The following RPL39L variants were observed in gnomAD, a reference collection of about 807,000 sequenced individuals.
RPL39L encodes the protein ribosomal protein eL39-like 2.
For synonymous variants in RPL39L, 16 were observed against 20.1 expected (o/e 0.80, Z 0.55); for missense variants, 48 against 58.9 (o/e 0.81, Z 0.61).
chr3:187,129,283 G>A (rs771182578), intron 1 of RPL39L, among the ~76,000 whole-genome samples: 24 of 152,164 alleles, frequency 1.6e-4, no homozygotes, highest in Non-Finnish European at 2.6e-4. Context: ...TCTCCTAGGC[G>A]GATTTGGGGA....
chr3:187,136,614 T>C (rs1720584913), intron 1 of RPL39L, among the ~76,000 whole-genome samples: 1 of 152,158 alleles, frequency 6.6e-6, no homozygotes, highest in South Asian at 2.1e-4. Flanking sequence ...AGTGGTATTT[T>C]CTGGGAGATA....
At chr3:187,121,477 G>C (rs1412783078) in intron 2 of RPL39L, 149 bp from the exon 3 acceptor site, 17 of 750,616 alleles carry the variant, frequency 2.3e-5, no homozygotes, top group Non-Finnish European at 3.7e-5. Flanking sequence ...CAGCTCAGGA[G>C]CAGCTCAGGA....
At chr3:187,126,837 G>C (rs1720406640) in intron 2 of RPL39L, among the ~76,000 whole-genome samples, 1 of 152,128 alleles carries the variant, frequency 6.6e-6, no homozygotes, top group South Asian at 2.1e-4. Flanking sequence ...ATATAAGTTG[G>C]GGAGTCTGTC....
intron 1 of RPL39L, among the ~76,000 whole-genome samples, chr3:187,137,124 G>A (rs1273237014): frequency 6.8e-6 from 1 of 147,016 alleles, no homozygotes; most frequent in African/African-American, 2.5e-5. Context: ...GGCTTGAGCC[G>A]AGGAGATGAG....
At chr3:187,136,887 G>A (rs1720589198) in intron 1 of RPL39L, among the ~76,000 whole-genome samples, 1 of 151,902 alleles carries the variant, frequency 6.6e-6, no homozygotes, top group African/African-American at 2.4e-5. Flanking sequence ...TTAATATAAA[G>A]GTGGATAAAA....
At position 187,121,092 on chromosome 3, in the gene RPL39L, T is replaced by C; in HGVS notation, c.*53A>G. ...ACATTTTCAGCTTGATATCGTAAGA[T>C]GATCGTGAACTTGATACAGCATAAA... is the stretch of plus-strand genomic sequence containing the variant. On this transcript the variant is annotated 3_prime_UTR_variant, in exon 3 of 3. Coordinates refer to ENST00000296277, the MANE Select transcript of RPL39L (RefSeq NM_052969.3). The C allele has an allele frequency of 6.3e-7, 1 of 1,591,342 alleles. No individual in the cohort carries two copies. The highest frequency in any genetic ancestry group is 8.6e-7 in the Non-Finnish European group (1 of 1,162,380).
intron 2 of RPL39L, among the ~76,000 whole-genome samples, chr3:187,123,670 T>C (rs564351338): frequency 1.3e-5 from 2 of 152,324 alleles, no homozygotes; most frequent in East Asian, 3.9e-4. Flanking sequence ...ACCCTCTCCC[T>C]TGGGAACCCT....
In RPL39L at chr3:187,121,320, CA is replaced by C. The variant is rs749902702; in HGVS notation, c.-21del. 1.9e-6 allele frequency: 3 copies of C among 1,613,518 alleles called. No individual in the cohort carries two copies. The South Asian group carries it at 3.3e-5, about 18-fold the overall frequency. Reference sequence around the variant, plus strand: ...AGACATGGCGAGAAACAGAGTCAACCACACACCACTATGGCGGAGAAAGGGA... The same window carrying C: ...AGACATGGCGAGAAACAGAGTCAACCCACACCACTATGGCGGAGAAAGGGA... On this transcript the variant is annotated 5_prime_UTR_variant, in exon 3 of 3. Transcript: ENST00000296277.
chr3:187,124,844 G>C (rs1720372410), intron 2 of RPL39L, among the ~76,000 whole-genome samples: 1 of 152,174 alleles, frequency 6.6e-6, no homozygotes, highest in African/African-American at 2.4e-5. Context: ...CATTAAATTA[G>C]ACCACTGGGG....
intron 1 of RPL39L, among the ~76,000 whole-genome samples, chr3:187,130,884 C>T (rs1319827093): frequency 6.6e-6 from 1 of 152,080 alleles, no homozygotes; most frequent in Admixed American, 6.5e-5. Flanking sequence ...GTAGCACTTC[C>T]GCTGTTACTG....
chr3:187,139,409 G>C lies in RPL39L; in HGVS notation c.-289C>G, dbSNP rs950103136. ...GGGGCCTTGGTGTCTCTGAGACTCC[G>C]AGACGCCTCGCCCCCACCTGGCGTT... On this transcript the variant is annotated 5_prime_UTR_variant, in exon 1 of 3. Coordinates refer to ENST00000296277, the MANE Select transcript of RPL39L (RefSeq NM_052969.3). The C allele has an allele frequency of 1.3e-5, 2 of 152,178 alleles. No individual in the cohort carries two copies. The highest frequency in any genetic ancestry group is 4.8e-5 in the African/African-American group (2 of 41,460). The allele number at this position is 152,178 out of a possible 1,614,324, so 9.4% of individuals were successfully genotyped here.
In RPL39L at chr3:187,134,483, T is replaced by TAAAAAAAAAAAAAAAAAAAA. The variant is rs72169562; in HGVS notation, c.-93+4729_-93+4730insTTTTTTTTTTTTTTTTTTTT. ...GCCCAAACTACTTTAGCCTGACTGA[T>TAAAAAAAAAAAAAAAAAAAA]AAAAAAAAAAAAAAAAAAAGAAGAC... On this transcript the variant is annotated intron_variant, in intron 1 of 2. Coordinates refer to ENST00000296277, the MANE Select transcript of RPL39L (RefSeq NM_052969.3). Among the ~76,000 whole-genome samples, 84 of 93,376 alleles carry TAAAAAAAAAAAAAAAAAAAA rather than the reference T, an allele frequency of 9.0e-4. 7 individuals carry two copies. The highest frequency in any genetic ancestry group is 3.6e-3 in the African/African-American group (84 of 23,540). 61.3% of individuals were successfully genotyped at this position (93,376 alleles called of 152,430 possible).
chr3:187,124,561 A>G (rs573112329), intron 2 of RPL39L, among the ~76,000 whole-genome samples: 17 of 152,312 alleles, frequency 1.1e-4, no homozygotes, highest in African/African-American at 4.1e-4. Context: ...TGTCCTAAGC[A>G]TAATCTTCAA....
chr3:187,134,945 T>C (rs1426761818), intron 1 of RPL39L, among the ~76,000 whole-genome samples: 1 of 152,230 alleles, frequency 6.6e-6, no homozygotes, highest in Admixed American at 6.5e-5. Context: ...ACCTGATCAG[T>C]TGAAAGGTGC....
At chr3:187,134,500 A>G (rs538526044) in intron 1 of RPL39L, among the ~76,000 whole-genome samples, 4 of 151,870 alleles carry the variant, frequency 2.6e-5, no homozygotes, top group East Asian at 1.9e-4. Flanking sequence ...AAAAAAAAAA[A>G]AAGAAGACAC....
At chr3:187,123,554 A>G (rs1438487020) in intron 2 of RPL39L, among the ~76,000 whole-genome samples, 3 of 152,186 alleles carry the variant, frequency 2.0e-5, no homozygotes, top group African/African-American at 7.2e-5. Flanking sequence ...AATTCCCTCT[A>G]TACAATCTAT....
chr3:187,121,641 T>A (rs898191153), intron 2 of RPL39L, among the ~76,000 whole-genome samples: 2 of 152,188 alleles, frequency 1.3e-5, no homozygotes, highest in Admixed American at 1.3e-4. Flanking sequence ...GAGGAATTAT[T>A]TTCAACTTTA....
In RPL39L at chr3:187,121,335, C is replaced by T. The variant is rs375644360; in HGVS notation, c.-28-7G>A. 4 of 1,610,226 alleles carry T rather than the reference C, an allele frequency of 2.5e-6. No homozygotes were observed. The highest frequency in any genetic ancestry group is 1.7e-4 in the Middle Eastern group (1 of 6,034). On this transcript the variant is annotated splice_polypyrimidine_tract_variant and splice_region_variant and intron_variant, in intron 2 of 2. Transcript: ENST00000296277. Reference sequence around the variant, plus strand: ...CAGAGTCAACCACACACCACTATGGCGGAGAAAGGGAGAGAGAGACAGAGA... The same window carrying T: ...CAGAGTCAACCACACACCACTATGGTGGAGAAAGGGAGAGAGAGACAGAGA...
At chr3:187,122,144 T>C (rs1720321213) in intron 2 of RPL39L, among the ~76,000 whole-genome samples, 1 of 152,230 alleles carries the variant, frequency 6.6e-6, no homozygotes, top group Admixed American at 6.5e-5. Context: ...TTTATCTAAT[T>C]ATCAAAATTG....
Sources: gnomAD v4.1 joint callset for allele counts (sites outside exome capture counted in the v4.1 genomes callset) on GRCh38, gnomAD v4.1.1 for gene constraint, MANE v1.5 for transcripts, NCBI Gene and HGNC (gene_info 2026-07-23, HGNC 2026-07-21) for gene names.